The following LAMA2 variants were observed in gnomAD, a reference collection of about 807,000 sequenced individuals.
The protein encoded by LAMA2 is laminin subunit alpha 2, also known as laminin subunit alpha-2.
Under a neutral mutation model 364.8 loss-of-function variants are expected in LAMA2, and 269 were observed. The ratio of observed to expected loss-of-function variants is 0.74; its 90% CI spans 0.67 to 0.82. The LOEUF is 0.82. Ranked by LOEUF, LAMA2 falls within the 40% of genes least tolerant of loss-of-function variation. LAMA2 has a pLI of 0.00. For synonymous variants in LAMA2, 1,379 were observed against 1,370.6 expected (o/e 1.01, Z -0.14); for missense variants, 3,807 against 3,873.2 (o/e 0.98, Z 0.45).
chr6:129,313,121 A>T, intron 23 of LAMA2, 24 bp downstream of exon 23: 1 of 1,416,952 alleles, frequency 7.1e-7, no homozygotes, highest in Non-Finnish European at 9.8e-7. Flanking sequence ...ACATGCAGCT[A>T]GGGAAAACCT....
chr6:129,228,445 G>A, intron 12 of LAMA2, among the ~76,000 whole-genome samples: 1 of 152,120 alleles, frequency 6.6e-6, no homozygotes, highest in South Asian at 2.1e-4. Context: ...GTAGACTGGA[G>A]CTGTTCCTAT....
At chr6:129,206,160 G>A (rs1175473567) in intron 12 of LAMA2, among the ~76,000 whole-genome samples, 1 of 137,168 alleles carries the variant, frequency 7.3e-6, no homozygotes, top group Non-Finnish European at 1.5e-5. Flanking sequence ...AAGGAAGGAA[G>A]GAAGGAAATT....
intron 1 of LAMA2, among the ~76,000 whole-genome samples, chr6:128,966,512 A>C (rs1781850461): frequency 6.6e-6 from 1 of 152,250 alleles, no homozygotes; most frequent in South Asian, 2.1e-4. Flanking sequence ...ACTGGAAATA[A>C]AAGAAAAATA....
chr6:129,452,420 C>T (rs781069741), intron 45 of LAMA2, among the ~76,000 whole-genome samples: 1 of 152,070 alleles, frequency 6.6e-6, no homozygotes, highest in Admixed American at 6.6e-5. Flanking sequence ...TGAAAAGGTA[C>T]AATTTATTCT....
chr6:129,261,994 G>A (rs1425198454), intron 15 of LAMA2, among the ~76,000 whole-genome samples: 62 of 152,158 alleles, frequency 4.1e-4, no homozygotes, highest in Non-Finnish European at 2.9e-5. Flanking sequence ...GAACTTTTAA[G>A]ATCCTCTCTC....
intron 12 of LAMA2, among the ~76,000 whole-genome samples, chr6:129,214,909 G>A (rs530689471): frequency 1.3e-5 from 2 of 152,182 alleles, no homozygotes; most frequent in Admixed American, 1.3e-4. Context: ...TATGGACATG[G>A]AATACCTCTC....
At chr6:129,306,383 G>T (rs1773877218) in intron 22 of LAMA2, among the ~76,000 whole-genome samples, 1 of 102,224 alleles carries the variant, frequency 9.8e-6, no homozygotes, top group Admixed American at 1.4e-4. Flanking sequence ...TGCAGAGTAT[G>T]TAATCCTAAA....
At chr6:129,511,139 G>T (rs957535473) in intron 62 of LAMA2, among the ~76,000 whole-genome samples, 2 of 152,098 alleles carry the variant, frequency 1.3e-5, no homozygotes, top group Non-Finnish European at 2.9e-5. Context: ...AACACACAGT[G>T]TAATACAATT....
chr6:129,368,122 G>A (rs1777874458), intron 33 of LAMA2, among the ~76,000 whole-genome samples: 1 of 152,104 alleles, frequency 6.6e-6, no homozygotes, highest in African/African-American at 2.4e-5. Context: ...TCTTTAATAA[G>A]GGCACTAATC....
At chr6:128,949,612 A>C (rs1184465316) in intron 1 of LAMA2, among the ~76,000 whole-genome samples, 1 of 152,122 alleles carries the variant, frequency 6.6e-6, no homozygotes, top group Admixed American at 6.6e-5. Context: ...CTTATGAAGG[A>C]TGTCTCTTTG....
At chr6:128,929,766 G>T in intron 1 of LAMA2, 1 of 1,116,028 alleles carries the variant, frequency 9.0e-7, no homozygotes, top group Non-Finnish European at 1.4e-6. Flanking sequence ...TGGAAAACGT[G>T]TAAAACCACA....
At chr6:128,938,757 A>G (rs1216691508) in intron 1 of LAMA2, among the ~76,000 whole-genome samples, 1 of 152,150 alleles carries the variant, frequency 6.6e-6, no homozygotes, top group East Asian at 1.9e-4. Context: ...AGGTCCTGGG[A>G]GTACCAACAT....
chr6:129,390,838 T>C (rs983095897), intron 35 of LAMA2, among the ~76,000 whole-genome samples: 9 of 152,182 alleles, frequency 5.9e-5, no homozygotes, highest in Non-Finnish European at 1.3e-4. Context: ...TGGAGAATCC[T>C]ACGATTCCAA....
rs142125733 is a variant in LAMA2 at position 129,439,066 on chromosome 6, A to ACCC, written c.6085+311_6085+313dup. ...GTATTGGCAGGGGATTGGTTCCAGGACCCCCCCCCACAGATATCAAAATTC... is the reference window on the plus strand; with the variant it reads ...GTATTGGCAGGGGATTGGTTCCAGGACCCCCCCCCCCCACAGATATCAAAATTC... On this transcript the variant is annotated intron_variant, in intron 42 of 64. Transcript: ENST00000421865. 1.6e-3 allele frequency among the ~76,000 whole-genome samples: 229 copies of ACCC among 145,920 alleles called. 2 individuals are homozygous for ACCC. Among genetic ancestry groups the ACCC allele is most frequent in the African/African-American group, 5.6e-3 (223 of 39,802 alleles).
At position 129,478,767 on chromosome 6, in the gene LAMA2, T is replaced by A. The variant is rs578183193; in HGVS notation, c.7526T>A (p.Leu2509His). Residue 2509 changes from leucine (L) to histidine (H), a missense_variant, in exon 54 of 65, where the codon CTC becomes CAC. Leu to His is a moderately conservative substitution (Grantham distance 99, BLOSUM62 -3). This residue lies in a region of LAMA2 where 3,333 missense variants were observed against 3,345.7 expected (regional missense o/e 1.00). Transcript: ENST00000421865. ...ATTTCAAGAACTCCGTACAATATAC[T>A]CAGTAGTCCCGATTATGTTGGTGTT... is the stretch of plus-strand genomic sequence containing the variant. The part of the protein sequence containing the change: ...IEISRTPYNI[L>H]SSPDYVGVTK... The A allele has an allele frequency of 1.9e-6, 3 of 1,613,016 alleles. No homozygotes were observed. The highest frequency in any genetic ancestry group is 1.7e-4 in the Middle Eastern group (1 of 6,056).
chr6:129,192,604 G>C (rs889352242), intron 11 of LAMA2, 76 bp from the exon 12 acceptor site: 1 of 1,418,316 alleles, frequency 7.1e-7, no homozygotes, highest in Non-Finnish European at 9.9e-7. Context: ...AAGTGGACAC[G>C]ACCAGGAACA....
At position 129,294,498 on chromosome 6, in the gene LAMA2, T is replaced by C. The variant is rs371359973; in HGVS notation, c.2856+2778T>C. Among the ~76,000 whole-genome samples the C allele has an allele frequency of 5.1e-4, 77 of 152,278 alleles. 1 individual carries two copies. The South Asian group carries it at 0.015, about 29-fold the overall frequency. On this transcript the variant is annotated intron_variant, in intron 20 of 64. Coordinates refer to ENST00000421865, the MANE Select transcript of LAMA2 (RefSeq NM_000426.4). Reference sequence around the variant, plus strand: ...ACCTCACTTGGGGGAGGAAACTCTCTGAGGCCTCTTTTATAAGTGCAGTGA... The same window carrying C: ...ACCTCACTTGGGGGAGGAAACTCTCCGAGGCCTCTTTTATAAGTGCAGTGA...
intron 18 of LAMA2, among the ~76,000 whole-genome samples, chr6:129,286,063 G>A (rs1403963519): frequency 6.6e-6 from 1 of 152,050 alleles, no homozygotes; most frequent in Non-Finnish European, 1.5e-5. Context: ...ATTTGTTAAA[G>A]TACTCTCAAT....
intron 53 of LAMA2, 35 bp downstream of exon 53, chr6:129,475,436 G>A (rs1442326193): frequency 6.5e-7 from 1 of 1,544,860 alleles, no homozygotes; most frequent in Admixed American, 1.7e-5. Context: ...TTCTTCGAGT[G>A]CATGGGTTGG....
Sources: allele counts gnomAD v4.1 joint callset (sites outside exome capture counted in the v4.1 genomes callset), GRCh38; gene constraint gnomAD v4.1.1; regional missense constraint gnomAD v4.1.1; transcripts MANE v1.5; gene names NCBI Gene and HGNC (gene_info 2026-07-23, HGNC 2026-07-21).